The following TEK variants were observed in gnomAD, a reference collection of about 807,000 sequenced individuals.
TEK encodes angiopoietin-1 receptor.
TEK carries 43 observed loss-of-function variants against 131.8 expected under a neutral mutation model. That is an observed-to-expected ratio of 0.33 (90% confidence interval 0.26 to 0.42). TEK has a LOEUF of 0.42. Ranked by LOEUF, TEK falls within the 10% of genes least tolerant of loss-of-function variation. The pLI is 1.00. For missense variants in TEK, 1,162 were observed against 1,384.4 expected, an observed-to-expected ratio of 0.84 and a Z score of 2.55; for synonymous variants, 580 against 491.6, an observed-to-expected ratio of 1.18 and a Z score of -2.38.
chr9:27,111,406 AG>A (rs1256728380), intron 1 of TEK, among the ~76,000 whole-genome samples: 2 of 152,196 alleles, frequency 1.3e-5, no homozygotes, highest in Non-Finnish European at 2.9e-5. Context: ...CCACAGCCAT[AG>A]GAGCCCGTTC....
At chr9:27,130,128 C>T (rs1011810049) in intron 1 of TEK, among the ~76,000 whole-genome samples, 1 of 152,084 alleles carries the variant, frequency 6.6e-6, no homozygotes, top group South Asian at 2.1e-4. Context: ...AAAGTAATGT[C>T]TTGAGAATAG....
rs1290397736 is a variant in TEK, at chr9:27,206,481, A to G, written c.2365-101A>G. On this transcript the variant is annotated intron_variant, in intron 14 of 22. Coordinates refer to ENST00000380036, the MANE Select transcript of TEK (RefSeq NM_000459.5). ...TTTCCAGTCTAGAATTAAATACAGTATTTCTTTTTTCATCTGGTGTGGATG... is the reference window on the plus strand; with the variant it reads ...TTTCCAGTCTAGAATTAAATACAGTGTTTCTTTTTTCATCTGGTGTGGATG... 1.8e-5 allele frequency: 23 copies of G among 1,256,554 alleles called. 1 individual carries two copies. The South Asian group carries it at 2.2e-4, about 12-fold the overall frequency. The allele number at this position is 1,256,554 out of a possible 1,614,324, so 77.8% of individuals were successfully genotyped here.
intron 9 of TEK, among the ~76,000 whole-genome samples, chr9:27,187,988 G>A (rs1355582531): frequency 1.3e-5 from 2 of 152,096 alleles, no homozygotes; most frequent in African/African-American, 2.4e-5. Context: ...GTGTGATTTG[G>A]GGGGAATACA....
At chr9:27,228,787 A>G (rs907373178) in intron 22 of TEK, among the ~76,000 whole-genome samples, 2 of 152,106 alleles carry the variant, frequency 1.3e-5, no homozygotes, top group African/African-American at 2.4e-5. Context: ...TCAAAACCCA[A>G]GTGGTAATTC....
intron 7 of TEK, among the ~76,000 whole-genome samples, chr9:27,182,055 G>C (rs1310042628): frequency 6.6e-6 from 1 of 152,186 alleles, no homozygotes; most frequent in Non-Finnish European, 1.5e-5. Flanking sequence ...TCAGGGAGTG[G>C]TTAGAAAGGG....
chr9:27,200,076 T>A (rs775859065), intron 12 of TEK, among the ~76,000 whole-genome samples: 1 of 152,214 alleles, frequency 6.6e-6, no homozygotes, highest in African/African-American at 2.4e-5. Context: ...TATTCACATA[T>A]GGCATGTCAG....
At chr9:27,219,992 A>G (rs1825997534) in intron 20 of TEK, 57 bp from the exon 21 acceptor site, 3 of 1,562,676 alleles carry the variant, frequency 1.9e-6, no homozygotes, top group African/African-American at 2.7e-5. Flanking sequence ...AACCCTGGAC[A>G]GGAAGCATTG....
chr9:27,194,865 C>T (rs1824950416), intron 11 of TEK, among the ~76,000 whole-genome samples: 1 of 151,904 alleles, frequency 6.6e-6, no homozygotes, highest in Non-Finnish European at 1.5e-5. Context: ...ATGGTGAAGG[C>T]CAGGGAGTCC....
intron 2 of TEK, among the ~76,000 whole-genome samples, chr9:27,165,128 A>T (rs1404264962): frequency 6.6e-6 from 1 of 152,188 alleles, no homozygotes; most frequent in Non-Finnish European, 1.5e-5. Context: ...ACAGGAGGTT[A>T]AAAAGCACAG....
intron 17 of TEK, among the ~76,000 whole-genome samples, chr9:27,213,120 TTCTA>T (rs775008827): frequency 1.2e-4 from 19 of 152,322 alleles, no homozygotes; most frequent in South Asian, 4.1e-4. Flanking sequence ...TATAATTTTC[TTCTA>T]TCTAATTTCA....
intron 16 of TEK, 126 bp from the exon 17 acceptor site, chr9:27,212,580 TG>T: frequency 1.0e-6 from 1 of 959,390 alleles, no homozygotes; most frequent in Middle Eastern, 2.1e-4. Context: ...CAGTGCTCCC[TG>T]GGTGGTGTTG....
At chr9:27,120,422 C>G (rs903986368) in intron 1 of TEK, among the ~76,000 whole-genome samples, 3 of 152,254 alleles carry the variant, frequency 2.0e-5, no homozygotes, top group Non-Finnish European at 4.4e-5. Context: ...TGGATTAGGG[C>G]CCTGCCTTAG....
chr9:27,163,403 C>T (rs1823615476), intron 2 of TEK, among the ~76,000 whole-genome samples: 1 of 152,082 alleles, frequency 6.6e-6, no homozygotes, highest in Non-Finnish European at 1.5e-5. Context: ...GGGCATCTAA[C>T]CTGTGTTCCA....
rs555987546 is a variant in TEK, at chr9:27,138,063, T to C, written c.53-19768T>C. On this transcript the variant is annotated intron_variant, in intron 1 of 22. Coordinates refer to ENST00000380036, the MANE Select transcript of TEK (RefSeq NM_000459.5). ...CTTAAAGGTGGCGCATCCAGAGTTGTTTGTTCCTTCCGGTGGGTTCGTGGT... is the reference window on the plus strand; with the variant it reads ...CTTAAAGGTGGCGCATCCAGAGTTGCTTGTTCCTTCCGGTGGGTTCGTGGT... Among the ~76,000 whole-genome samples the C allele has an allele frequency of 7.7e-4, 117 of 152,218 alleles. 1 individual carries two copies. Among genetic ancestry groups the C allele is most frequent in the African/African-American group, 2.7e-3 (114 of 41,516 alleles).
At chr9:27,153,855 C>G (rs1031141956) in intron 1 of TEK, among the ~76,000 whole-genome samples, 3 of 152,210 alleles carry the variant, frequency 2.0e-5, no homozygotes, top group African/African-American at 7.2e-5. Flanking sequence ...TTTCAAGAAG[C>G]CACGGACCAC....
chr9:27,183,591 C>A lies in TEK; in HGVS notation c.1163C>A (p.Pro388Gln), dbSNP rs979217618. ...AATGAAGAAATGACCCTGGTGAAGC[C>A]GGATGGGACAGTGCTCCATGTAAGA... is the stretch of plus-strand genomic sequence containing the variant. The part of the protein sequence containing the change: ...PTNEEMTLVK[P>Q]DGTVLHPKDF... The change falls in exon 8 of 23, where the codon CCG becomes CAG. Residue 388 changes from proline (P) to glutamine (Q), a missense_variant. Coordinates refer to ENST00000380036, the MANE Select transcript of TEK (RefSeq NM_000459.5). The A allele has an allele frequency of 6.2e-7, 1 of 1,613,876 alleles. No homozygotes were observed. Among genetic ancestry groups the A allele is most frequent in the South Asian group, 1.1e-5 (1 of 91,078 alleles).
chr9:27,155,424 A>G (rs1458092400), intron 1 of TEK, among the ~76,000 whole-genome samples: 2 of 152,190 alleles, frequency 1.3e-5, no homozygotes, highest in Non-Finnish European at 2.9e-5. Context: ...AATCTCATGT[A>G]ATGAGTTAAT....
intron 2 of TEK, among the ~76,000 whole-genome samples, chr9:27,161,133 G>C (rs537312625): frequency 6.6e-6 from 1 of 152,322 alleles, no homozygotes; most frequent in East Asian, 1.9e-4. Flanking sequence ...AAAACCCGCT[G>C]TAATGATCCC....
At position 27,183,600 on chromosome 9, in the gene TEK, C is replaced by T. The variant is rs34032300; in HGVS notation, c.1172C>T (p.Thr391Ile). 2.5e-3 allele frequency: 4,055 copies of T among 1,613,850 alleles called. 79 individuals are homozygous for T. In the African/African-American group the frequency reaches 0.048, roughly 19 times the overall value. Residue 391 changes from threonine to isoleucine, a missense_variant, in exon 8 of 23, where the codon ACA becomes ATA. By Grantham distance (89) the Thr-to-Ile change is moderately conservative. This residue lies in a region of TEK where 436 missense variants were observed against 539.1 expected (regional missense o/e 0.81). Transcript: ENST00000380036. ...ATGACCCTGGTGAAGCCGGATGGGA[C>T]AGTGCTCCATGTAAGAGCCATTCTT... ...EEMTLVKPDG[T>I]VLHPKDFNHT...
Sources: gnomAD v4.1 joint callset for allele counts (sites outside exome capture counted in the v4.1 genomes callset) on GRCh38, gnomAD v4.1.1 for gene constraint, gnomAD v4.1.1 regional missense constraint, MANE v1.5 for transcripts, NCBI Gene and HGNC (gene_info 2026-07-23, HGNC 2026-07-21) for gene names.